NPIPA5: variants seen among roughly 807,000 people sequenced by gnomAD.
NPIPA5 encodes nuclear pore complex interacting protein family member A5, also known as nuclear pore complex-interacting protein family member A5.
NPIPA5 carries 6 observed loss-of-function variants against 21.4 expected under a neutral mutation model. The observed-to-expected ratio is 0.28, with a 90% confidence interval of 0.15 to 0.55. The LOEUF (loss-of-function observed/expected upper bound fraction) is 0.55. Ranked by LOEUF, NPIPA5 falls within the 20% of genes least tolerant of loss-of-function variation. The pLI is 0.93. For missense variants in NPIPA5, 99 were observed against 318.2 expected (o/e 0.31, Z 5.24); for synonymous variants, 33 against 115.3 (o/e 0.29, Z 4.57).
upstream of NPIPA5, chr16:15,380,822 G>C: frequency 1.7e-6 from 1 of 591,056 alleles, no homozygotes; most frequent in Non-Finnish European, 2.9e-6. Flanking sequence ...AGCCAGTACT[G>C]AGACTGCGTA....
upstream of NPIPA5, among the ~76,000 whole-genome samples, chr16:15,380,066 G>T (rs541185789): frequency 1.3e-5 from 2 of 151,396 alleles, no homozygotes; most frequent in East Asian, 3.9e-4. Flanking sequence ...CATTTTAAAA[G>T]ACAAGATAAT....
chr16:15,377,713 G>GGGAGGA (rs548977986), intron 1 of NPIPA5, among the ~76,000 whole-genome samples: 2 of 89,898 alleles, frequency 2.2e-5, no homozygotes, highest in Admixed American at 1.3e-4. Flanking sequence ...GGGGCTGTTG[G>GGGAGGA]GGAGGAGGAG....
In NPIPA5 at chr16:15,363,681, C is replaced by A. The variant is rs987414263; in HGVS notation, c.1031G>T (p.Arg344Leu). Residue 344 changes from arginine (R) to leucine (L), a missense_variant, in exon 8 of 8, where the codon CGG (arginine) becomes CTG (leucine). By Grantham distance (102) the Arg-to-Leu change is moderately radical. Transcript: ENST00000360151. ...TCATTAGTTTCTTGAGATTATCATC[C>A]GCTGAGGGTGGAAGGGGAGTGAGCA... The part of the protein sequence containing the change: ...CVCSLPFHPQ[R>L]MIISRN 1.3e-6 allele frequency: 2 copies of A among 1,505,666 alleles called. No individual in the cohort carries two copies. The highest frequency in any genetic ancestry group is 2.0e-5 in the Admixed American group (1 of 50,644). 93.3% of individuals were successfully genotyped at this position (1,505,666 alleles called of 1,614,324 possible). A position where few individuals can be genotyped will look rare whatever the true frequency, so the allele number is the denominator to read the frequency against.
intron 7 of NPIPA5, 62 bp from the exon 8 acceptor site, chr16:15,364,131 A>G: frequency 6.9e-7 from 1 of 1,439,706 alleles, no homozygotes; most frequent in Non-Finnish European, 9.3e-7. Context: ...AATTACCGCC[A>G]CCAACACAGT....
chr16:15,372,662 T>TA (rs2097878038), intron 2 of NPIPA5, among the ~76,000 whole-genome samples: 1 of 145,828 alleles, frequency 6.9e-6, no homozygotes, highest in African/African-American at 2.5e-5. Flanking sequence ...ATCTAGGCAG[T>TA]AAAACTGAAA....
chr16:15,376,885 A>C (rs1308524599), intron 1 of NPIPA5, among the ~76,000 whole-genome samples: 1 of 152,126 alleles, frequency 6.6e-6, no homozygotes, highest in Non-Finnish European at 1.5e-5. Flanking sequence ...GAGGCAGGAC[A>C]ATTGCTTGAA....
Position 15,376,699 on chromosome 16 carries a change from G to A in NPIPA5, c.63+1533C>T, listed in dbSNP as rs1241420100. 4.0e-5 allele frequency among the ~76,000 whole-genome samples: 6 copies of A among 151,330 alleles called. No homozygotes were observed. The Middle Eastern group carries it at 0.01, about 257-fold the overall frequency. On this transcript the variant is annotated intron_variant, in intron 1 of 7. Coordinates refer to ENST00000360151, the MANE Select transcript of NPIPA5 (RefSeq NM_001277325.2). ...TGGGAGGCTGAGGCAGGCGGATCAC[G>A]AGGTCAAGACATGGAGACTATCCTG...
chr16:15,371,281 T>C (rs990214547), intron 2 of NPIPA5, among the ~76,000 whole-genome samples: 1 of 142,874 alleles, frequency 7.0e-6, no homozygotes, highest in Non-Finnish European at 1.5e-5. Flanking sequence ...CCTGCTCTAC[T>C]CAGAGTTCAC....
At chr16:15,371,578 C>G (rs1022971175) in intron 2 of NPIPA5, among the ~76,000 whole-genome samples, 1 of 143,508 alleles carries the variant, frequency 7.0e-6, no homozygotes, top group Non-Finnish European at 1.5e-5. Flanking sequence ...CCTTGGCTCA[C>G]GGCAACCTCC....
At chr16:15,369,282 C>A (rs1346675309) in intron 4 of NPIPA5, among the ~76,000 whole-genome samples, 3 of 148,212 alleles carry the variant, frequency 2.0e-5, no homozygotes, top group African/African-American at 7.4e-5. Context: ...ATGGTGAAAC[C>A]CCATCTCTAG....
upstream of NPIPA5, chr16:15,381,188 T>C: frequency 5.2e-6 from 3 of 580,444 alleles, no homozygotes; most frequent in Non-Finnish European, 9.2e-6. Flanking sequence ...AGAACCAAGT[T>C]CAAATTCCTG....
chr16:15,370,509 T>A (rs2050124519), intron 2 of NPIPA5, among the ~76,000 whole-genome samples: 1 of 146,856 alleles, frequency 6.8e-6, no homozygotes, highest in Admixed American at 7.2e-5. Flanking sequence ...CCCAGTACTT[T>A]GGGAGGCCGA....
At chr16:15,381,598 T>C (rs1009999000), upstream of NPIPA5, 1 of 151,166 alleles carries the variant, frequency 6.6e-6, no homozygotes, top group African/African-American at 2.4e-5. Context: ...GATTCTATTC[T>C]GCCTCCACCA....
rs977628581 is a variant in NPIPA5, at chr16:15,370,774, G to T, written c.193-655C>A. Among the ~76,000 whole-genome samples, 12 of 147,678 alleles carry T rather than the reference G, an allele frequency of 8.1e-5. 1 individual carries two copies. The highest frequency in any genetic ancestry group is 4.9e-4 in the Admixed American group (7 of 14,150). On this transcript the variant is annotated intron_variant, in intron 2 of 7. Coordinates refer to ENST00000360151, the MANE Select transcript of NPIPA5 (RefSeq NM_001277325.2). ...CTCAAAAAAAAAAAAAAATAGGCCA[G>T]GTGCGGTAGCTCACGCCTGTAATCC...
At chr16:15,379,055 C>T (rs2050376258), upstream of NPIPA5, among the ~76,000 whole-genome samples, 1 of 151,742 alleles carries the variant, frequency 6.6e-6, no homozygotes, top group South Asian at 2.1e-4. Flanking sequence ...TTTCCTGGCC[C>T]TGTCCTCAGC....
chr16:15,379,491 C>A (rs554238124), upstream of NPIPA5, among the ~76,000 whole-genome samples: 1 of 151,762 alleles, frequency 6.6e-6, no homozygotes, highest in Non-Finnish European at 1.5e-5. Context: ...AGTTTGAACC[C>A]GGGAGGCAGA....
chr16:15,381,444 G>A (rs570627488), upstream of NPIPA5: 6 of 951,182 alleles, frequency 6.3e-6, no homozygotes, highest in African/African-American at 1.8e-5. Context: ...AAAAGAAAAT[G>A]TTAAGTCTAA....
chr16:15,367,435 T>G (rs905219719), intron 4 of NPIPA5, among the ~76,000 whole-genome samples: 1 of 151,970 alleles, frequency 6.6e-6, no homozygotes, highest in Non-Finnish European at 1.5e-5. Flanking sequence ...GTCCTGAAAA[T>G]AGGTGACAAC....
chr16:15,379,515 C>T (rs1490864189), upstream of NPIPA5, among the ~76,000 whole-genome samples: 1 of 151,756 alleles, frequency 6.6e-6, no homozygotes, highest in Non-Finnish European at 1.5e-5. Context: ...TGCAGTGAGC[C>T]GAGATTGCAC....
Sources: allele counts gnomAD v4.1 joint callset (sites outside exome capture counted in the v4.1 genomes callset), GRCh38; gene constraint gnomAD v4.1.1; transcripts MANE v1.5; gene names NCBI Gene and HGNC (gene_info 2026-07-23, HGNC 2026-07-21).